The following LTV1 variants were observed in gnomAD, a reference collection of about 807,000 sequenced individuals.
LTV1 encodes the protein LTV1 ribosome biogenesis factor, also known as protein LTV1 homolog.
Under a neutral mutation model 59.9 loss-of-function variants are expected in LTV1, and 39 were observed. That is an observed-to-expected ratio of 0.65 (90% confidence interval 0.50 to 0.85). The LOEUF (loss-of-function observed/expected upper bound fraction) is 0.85, where lower values mean the gene tolerates loss of function less well. LTV1 is among the 40% of genes least tolerant of loss of function. The pLI is 0.00. For synonymous variants in LTV1, 171 were observed against 189.5 expected (o/e 0.90, Z 0.80); for missense variants, 493 against 549.1 (o/e 0.90, Z 1.02).
At chr6:143,845,909 G>A (rs1395393470) in intron 2 of LTV1, 142 bp from the exon 3 acceptor site, 1 of 653,508 alleles carries the variant, frequency 1.5e-6, no homozygotes. Context: ...TTTCCCATCA[G>A]CCAAAATGTT....
chr6:143,846,942 A>C (rs1776901818), intron 3 of LTV1, among the ~76,000 whole-genome samples: 1 of 152,260 alleles, frequency 6.6e-6, no homozygotes, highest in Non-Finnish European at 1.5e-5. Flanking sequence ...AAAGGGCACC[A>C]GTTTACCCTG....
At position 143,863,074 on chromosome 6, in the gene LTV1, TC is replaced by T; in HGVS notation, c.1117-11del. The T allele has an allele frequency of 6.2e-7, 1 of 1,607,012 alleles. No homozygotes were observed. On this transcript the variant is annotated splice_polypyrimidine_tract_variant and intron_variant, in intron 9 of 10. Transcript: ENST00000367576. The surrounding 1 kb of genome is among the most constrained non-coding windows in gnomAD (Gnocchi z 4.5). ...GAGAAGTAACTCTAGTACCATTTTA[TC>T]TGTATTTCAGCCCAAACAAATTCGA...
intron 7 of LTV1, among the ~76,000 whole-genome samples, chr6:143,861,103 G>T (rs908215909): frequency 1.1e-4 from 16 of 151,952 alleles, no homozygotes; most frequent in Admixed American, 9.8e-4. Flanking sequence ...CACCATGTTG[G>T]CCAGGCTGGT....
chr6:143,852,105 G>C (rs377346662), intron 4 of LTV1, among the ~76,000 whole-genome samples: 2 of 152,082 alleles, frequency 1.3e-5, no homozygotes, highest in South Asian at 2.1e-4. Context: ...GGGATTGCTG[G>C]GTCAAATGGT....
Position 143,845,906 on chromosome 6 carries a change from T to G in LTV1, c.136-145T>G, listed in dbSNP as rs947006461. ...TCAAGAATTCTTTGTCTTTTTCCCA[T>G]CAGCCAAAATGTTCATGTGCCATCT... On this transcript the variant is annotated intron_variant, in intron 2 of 10. Transcript: ENST00000367576. 2.5e-5 allele frequency: 16 copies of G among 634,710 alleles called. No homozygotes were observed. In the African/African-American group the frequency reaches 2.8e-4, roughly 11 times the overall value. 39.3% of individuals were successfully genotyped at this position (634,710 alleles called of 1,614,324 possible). A position where few individuals can be genotyped will look rare whatever the true frequency, so the allele number is the denominator to read the frequency against.
At position 143,843,471 on chromosome 6, in the gene LTV1, C is replaced by G; in HGVS notation, c.-7C>G. 1 of 1,613,460 alleles carries G rather than the reference C, an allele frequency of 6.2e-7. No homozygotes were observed. Among genetic ancestry groups the G allele is most frequent in the Non-Finnish European group, 8.5e-7 (1 of 1,179,960 alleles). ...CCTGTTGGGGGTGAGCGCCGCGCGG[C>G]TGCAGCATGGTGAGCAAGCCTTGCT... On this transcript the variant is annotated 5_prime_UTR_variant, in exon 1 of 11. Coordinates refer to ENST00000367576, the MANE Select transcript of LTV1 (RefSeq NM_032860.5).
chr6:143,846,229 G>A lies in LTV1; in HGVS notation c.309+5G>A. The A allele has an allele frequency of 6.2e-7, 1 of 1,606,212 alleles. No individual in the cohort carries two copies. The highest frequency in any genetic ancestry group is 2.2e-5 in the East Asian group (1 of 44,808). The stretch of plus-strand genomic sequence containing the variant: ...GAAGAAACGCTAGTAATTCCAGTAA[G>A]GCTTTTCAGCAATTTAATTGTGGGA... On this transcript the variant is annotated splice_donor_5th_base_variant and intron_variant, in intron 3 of 10. Coordinates refer to ENST00000367576, the MANE Select transcript of LTV1 (RefSeq NM_032860.5).
chr6:143,856,140 T>G (rs138313708), intron 4 of LTV1, among the ~76,000 whole-genome samples: 1 of 152,334 alleles, frequency 6.6e-6, no homozygotes, highest in African/African-American at 2.4e-5. Context: ...TCCTTTTCAT[T>G]CTTTTTTCTC....
chr6:143,862,167 T>C lies in LTV1; in HGVS notation c.987T>C (p.Asp329=), dbSNP rs1777175989. ...EDQDLPMNEL[D]ESEEEEMITV... ...AAGACCTGCCAATGAATGAGCTTGATGAGTCTGAGGAGGAAGAAATGATTA... is the reference window on the plus strand; with the variant it reads ...AAGACCTGCCAATGAATGAGCTTGACGAGTCTGAGGAGGAAGAAATGATTA... Residue 329 remains aspartate (D), a synonymous_variant, in exon 8 of 11, where the codon GAT becomes GAC. Transcript: ENST00000367576. The surrounding 1 kb of genome is among the most constrained non-coding windows in gnomAD (Gnocchi z 4.2). 6.2e-7 allele frequency: 1 copy of C among 1,613,796 alleles called. No individual in the cohort carries two copies. Among genetic ancestry groups the C allele is most frequent in the South Asian group, 1.1e-5 (1 of 91,082 alleles).
At chr6:143,844,268 A>G (rs757631819) in intron 1 of LTV1, among the ~76,000 whole-genome samples, 1 of 152,236 alleles carries the variant, frequency 6.6e-6, no homozygotes, top group Non-Finnish European at 1.5e-5. Flanking sequence ...CAGTTCCCAT[A>G]ACAAGGTCTG....
At position 143,844,574 on chromosome 6, in the gene LTV1, C is replaced by T; in HGVS notation, c.92C>T (p.Ala31Val). The change falls in exon 2 of 11, where the codon GCA (alanine) becomes GTA (valine). Residue 31 changes from alanine to valine, a missense_variant. Transcript: ENST00000367576. ...VHRSQRDPLA[A>V]DESAPQRVLL... The stretch of plus-strand genomic sequence containing the variant: ...CGGAGCCAACGAGATCCTTTAGCAG[C>T]AGATGAGAGTGCACCCCAGAGGGTT... The T allele has an allele frequency of 5.0e-6, 8 of 1,614,008 alleles. No homozygotes were observed. Among genetic ancestry groups the T allele is most frequent in the Non-Finnish European group, 6.8e-6 (8 of 1,180,006 alleles).
At chr6:143,844,197 A>G (rs1378412661) in intron 1 of LTV1, among the ~76,000 whole-genome samples, 2 of 152,142 alleles carry the variant, frequency 1.3e-5, no homozygotes, top group East Asian at 1.9e-4. Context: ...TTCACCGGAA[A>G]TTATCTTGAT....
Position 143,857,809 on chromosome 6 carries a change from T to C in LTV1, c.597T>C (p.Asp199=), listed in dbSNP as rs771751299. The change falls in exon 6 of 11, where the codon GAT becomes GAC. Residue 199 remains aspartate, a synonymous_variant. Coordinates refer to ENST00000367576, the MANE Select transcript of LTV1 (RefSeq NM_032860.5). The surrounding 1 kb of genome is among the most constrained non-coding windows in gnomAD (Gnocchi z 5.2). ...AAGATGTGGATGATGAGAAGGGAGA[T>C]AGCAATGATGACTATGACTCTGCAG... ...EWEDVDDEKG[D]SNDDYDSAGL... 1.8e-5 allele frequency: 29 copies of C among 1,613,822 alleles called. No homozygotes were observed. The Middle Eastern group carries it at 8.2e-4, about 46-fold the overall frequency.
At chr6:143,861,827 T>TTTTTTTTTTTTTTTTTTTTTTTTTTGAG (rs1554235515) in intron 7 of LTV1, among the ~76,000 whole-genome samples, 1 of 151,532 alleles carries the variant, frequency 6.6e-6, no homozygotes, top group African/African-American at 2.4e-5. Context: ...TATGCTTTTT[T>TTTTTTTTTTTTTTTTTTTTTTTTTTGAG]AGGCTTTAAA....
intron 6 of LTV1, among the ~76,000 whole-genome samples, chr6:143,859,465 G>A (rs1777127607): frequency 6.6e-6 from 1 of 152,196 alleles, no homozygotes; most frequent in Admixed American, 6.5e-5. Context: ...ACATCCAAAA[G>A]CCTAAAATGG....
Position 143,862,685 on chromosome 6 carries a change from C to G in LTV1, c.1064-159C>G, listed in dbSNP as rs1216139167. ...AAATTATTTGGAAAGAGTAATATTC[C>G]AATACTGAGTTGTAAGCAATTTATA... On this transcript the variant is annotated intron_variant, in intron 8 of 10. Transcript: ENST00000367576. The surrounding 1 kb of genome is among the most constrained non-coding windows in gnomAD (Gnocchi z 4.2). Among the ~76,000 whole-genome samples, 1 of 152,064 alleles carries G rather than the reference C, an allele frequency of 6.6e-6. No homozygotes were observed. The highest frequency in any genetic ancestry group is 2.1e-4 in the South Asian group (1 of 4,826).
At chr6:143,848,458 T>G (rs1776929257) in intron 3 of LTV1, among the ~76,000 whole-genome samples, 1 of 152,198 alleles carries the variant, frequency 6.6e-6, no homozygotes, top group Non-Finnish European at 1.5e-5. Flanking sequence ...TCTTGCTGTG[T>G]GTACACTGCC....
In LTV1 at chr6:143,855,580, C is replaced by G. The variant is rs1402360218; in HGVS notation, c.398-1723C>G. On this transcript the variant is annotated intron_variant, in intron 4 of 10. Transcript: ENST00000367576. This position sits in a 1 kb window ranked among gnomAD's most constrained non-coding sequence, Gnocchi z 4.6. Reference sequence around the variant, plus strand: ...TTGGTACGTTTTGCAGTGGCTGGTACCAGTTTTTCCTTTCCATATTTAGTG... The same window carrying G: ...TTGGTACGTTTTGCAGTGGCTGGTAGCAGTTTTTCCTTTCCATATTTAGTG... 6.6e-6 allele frequency among the ~76,000 whole-genome samples: 1 copy of G among 152,256 alleles called. No homozygotes were observed. The highest frequency in any genetic ancestry group is 1.9e-4 in the East Asian group (1 of 5,182).
At chr6:143,850,416 T>G (rs1162749449) in intron 4 of LTV1, among the ~76,000 whole-genome samples, 198 bp downstream of exon 4, 1 of 152,218 alleles carries the variant, frequency 6.6e-6, no homozygotes, top group African/African-American at 2.4e-5. Context: ...TTATATCTTT[T>G]GAGTTCCTGT....
Sources: gnomAD v4.1 joint callset for allele counts (sites outside exome capture counted in the v4.1 genomes callset) on GRCh38, gnomAD v4.1.1 for gene constraint, Gnocchi (gnomAD v3.1) non-coding constraint, MANE v1.5 for transcripts, NCBI Gene and HGNC (gene_info 2026-07-23, HGNC 2026-07-21) for gene names.